PRKAR2B: variants seen among roughly 807,000 people sequenced by gnomAD.
PRKAR2B encodes protein kinase cAMP-dependent type II regulatory subunit beta, also known as cAMP-dependent protein kinase type II-beta regulatory subunit.
Under a neutral mutation model 49.9 loss-of-function variants are expected in PRKAR2B, and 14 were observed. That is an observed-to-expected ratio of 0.28 (90% CI 0.19 to 0.44). The LOEUF is 0.44. PRKAR2B is among the 20% of genes least tolerant of loss of function. The probability of loss-of-function intolerance (pLI) is 1.00; values close to 1 mark genes in which losing one functional copy is unlikely to be tolerated. For synonymous variants in PRKAR2B, 196 were observed against 197.7 expected, an observed-to-expected ratio of 0.99 and a Z score of 0.07; for missense variants, 393 against 537.9, an observed-to-expected ratio of 0.73 and a Z score of 2.67.
chr7:107,078,629 T>G (rs1584415978), intron 2 of PRKAR2B, among the ~76,000 whole-genome samples: 1 of 151,930 alleles, frequency 6.6e-6, no homozygotes. Flanking sequence ...CTGGCTCATT[T>G]CCAGCCACTT....
rs887401376 is a variant in PRKAR2B at position 107,101,144 on chromosome 7, T to A, written c.344-20808T>A. ...CTCCAGGTTGTTGCTTATTTTTTTT[T>A]TTTTTTTTTTTTTTGTAGCTTGTCT... is the stretch of plus-strand genomic sequence containing the variant. On this transcript the variant is annotated intron_variant, in intron 2 of 10. Transcript: ENST00000265717. 3.4e-3 allele frequency among the ~76,000 whole-genome samples: 515 copies of A among 149,780 alleles called. 3 individuals are homozygous for A. Among genetic ancestry groups the A allele is most frequent in the African/African-American group, 0.012 (487 of 40,692 alleles).
intron 2 of PRKAR2B, among the ~76,000 whole-genome samples, chr7:107,071,940 G>T (rs1010533151): frequency 1.3e-5 from 2 of 151,696 alleles, no homozygotes; most frequent in Admixed American, 6.6e-5. Flanking sequence ...GTGGTGGCGG[G>T]CACCTGTAGT....
rs1179014057 is a variant in PRKAR2B at position 107,045,147 on chromosome 7, C to A, written c.240C>A (p.Pro80=). ...AGGGGGTCAACTTCGCCGAGGAGCC[C>A]ATGCAGTCCGACTCCGAGGACGGGG... ...PSKGVNFAEE[P]MQSDSEDGEE... The change falls in exon 1 of 11, where the codon CCC becomes CCA. Residue 80 remains proline, a synonymous_variant. Coordinates refer to ENST00000265717, the MANE Select transcript of PRKAR2B (RefSeq NM_002736.3). The A allele has an allele frequency of 4.0e-6, 6 of 1,509,976 alleles. No individual in the cohort carries two copies. Among genetic ancestry groups the A allele is most frequent in the Non-Finnish European group, 5.3e-6 (6 of 1,130,914 alleles). The allele number at this position is 1,509,976 out of a possible 1,614,324, so 93.5% of individuals were successfully genotyped here.
chr7:107,123,979 C>G (rs1175759682), intron 3 of PRKAR2B, among the ~76,000 whole-genome samples: 1 of 152,084 alleles, frequency 6.6e-6, no homozygotes, highest in Admixed American at 6.6e-5. Context: ...ATGATTATTA[C>G]AGATTTCAAA....
chr7:107,115,863 T>C (rs570247610), intron 2 of PRKAR2B, among the ~76,000 whole-genome samples: 1 of 152,210 alleles, frequency 6.6e-6, no homozygotes, highest in Admixed American at 6.5e-5. Flanking sequence ...ATATTCCTTA[T>C]TGGCAGAAGA....
At chr7:107,111,004 C>A (rs1795161257) in intron 2 of PRKAR2B, among the ~76,000 whole-genome samples, 1 of 152,118 alleles carries the variant, frequency 6.6e-6, no homozygotes, top group Non-Finnish European at 1.5e-5. Context: ...TCATTGATGA[C>A]TTTTCTGGAC....
chr7:107,151,852 A>G (rs1795994338), intron 7 of PRKAR2B, among the ~76,000 whole-genome samples: 3 of 152,222 alleles, frequency 2.0e-5, no homozygotes, highest in Admixed American at 2.0e-4. Flanking sequence ...TCGCTTTCAA[A>G]CAACTGTAAG....
intron 6 of PRKAR2B, among the ~76,000 whole-genome samples, chr7:107,149,871 A>T (rs1196618828): frequency 6.6e-6 from 1 of 152,132 alleles, no homozygotes; most frequent in African/African-American, 2.4e-5. Flanking sequence ...ATTTTTTGTA[A>T]CTCAAAGGAT....
intron 5 of PRKAR2B, among the ~76,000 whole-genome samples, chr7:107,142,794 G>T (rs1795811326): frequency 6.6e-6 from 1 of 151,152 alleles, no homozygotes; most frequent in Non-Finnish European, 1.5e-5. Flanking sequence ...AAACAGTCTT[G>T]CTCTGTTGCC....
intron 2 of PRKAR2B, among the ~76,000 whole-genome samples, chr7:107,097,787 A>T (rs1041823227): frequency 3.9e-5 from 6 of 152,200 alleles, no homozygotes; most frequent in Admixed American, 2.0e-4. Flanking sequence ...TTGGCTGGAT[A>T]TGAAATTCTG....
At chr7:107,146,265 A>G in intron 5 of PRKAR2B, 43 bp from the exon 6 acceptor site, 1 of 1,564,916 alleles carries the variant, frequency 6.4e-7, no homozygotes, top group Non-Finnish European at 8.7e-7. Context: ...TATTTTAATG[A>G]TATTTTATTT....
intron 2 of PRKAR2B, among the ~76,000 whole-genome samples, chr7:107,086,007 C>T (rs1794612534): frequency 6.6e-6 from 1 of 152,124 alleles, no homozygotes; most frequent in Non-Finnish European, 1.5e-5. Context: ...GATTCATATT[C>T]CAATCTTAGG....
At chr7:107,133,403 A>G (rs1355936071) in intron 4 of PRKAR2B, among the ~76,000 whole-genome samples, 1 of 152,244 alleles carries the variant, frequency 6.6e-6, no homozygotes, top group Non-Finnish European at 1.5e-5. Context: ...TAATCAATAA[A>G]GCTGATGTTC....
chr7:107,150,640 G>T (rs1401153363), intron 6 of PRKAR2B, among the ~76,000 whole-genome samples: 1 of 147,006 alleles, frequency 6.8e-6, no homozygotes, highest in East Asian at 2.0e-4. Context: ...CTTGTGGGCA[G>T]AACCCAACAT....
chr7:107,151,112 A>G, intron 7 of PRKAR2B, 89 bp downstream of exon 7: 1 of 677,318 alleles, frequency 1.5e-6, no homozygotes, highest in Non-Finnish European at 2.3e-6. Context: ...AATTTCTTTG[A>G]ATAAAAAAAA....
intron 2 of PRKAR2B, among the ~76,000 whole-genome samples, chr7:107,073,177 A>C (rs1794316939): frequency 6.6e-6 from 1 of 152,214 alleles, no homozygotes; most frequent in African/African-American, 2.4e-5. Context: ...AACCTGAATA[A>C]TTTAAACAAA....
intron 4 of PRKAR2B, among the ~76,000 whole-genome samples, chr7:107,135,175 A>G (rs1795676363): frequency 6.6e-6 from 1 of 152,172 alleles, no homozygotes. Context: ...TGAATATACA[A>G]ATGACTGGCA....
intron 1 of PRKAR2B, among the ~76,000 whole-genome samples, chr7:107,053,929 C>T (rs979584048): frequency 5.3e-5 from 8 of 152,162 alleles, no homozygotes; most frequent in Non-Finnish European, 8.8e-5. Flanking sequence ...GGAGAGAGAT[C>T]GTTCACTATT....
intron 2 of PRKAR2B, among the ~76,000 whole-genome samples, chr7:107,116,462 A>G (rs1403050999): frequency 2.6e-5 from 4 of 152,178 alleles, no homozygotes; most frequent in African/African-American, 9.7e-5. Flanking sequence ...AATATAGTAC[A>G]TATATAATAT....
Sources: gnomAD v4.1 joint callset for allele counts (sites outside exome capture counted in the v4.1 genomes callset) on GRCh38, gnomAD v4.1.1 for gene constraint, MANE v1.5 for transcripts, NCBI Gene and HGNC (gene_info 2026-07-23, HGNC 2026-07-21) for gene names.